The following PRKCQ variants were observed in gnomAD, a reference collection of about 807,000 sequenced individuals.
The protein encoded by PRKCQ is protein kinase C theta type.
Under a neutral mutation model 91.2 loss-of-function variants are expected in PRKCQ, and 41 were observed. The observed-to-expected ratio is 0.45, with a 90% CI of 0.35 to 0.58. PRKCQ has a LOEUF of 0.58. PRKCQ is among the 20% of genes least tolerant of loss of function. PRKCQ has a pLI of 0.00. For missense variants in PRKCQ, 673 were observed against 896.5 expected (o/e 0.75, Z 3.18); for synonymous variants, 307 against 316.9 (o/e 0.97, Z 0.33).
intron 1 of PRKCQ, among the ~76,000 whole-genome samples, chr10:6,539,876 C>A (rs1255456378): frequency 1.3e-5 from 2 of 152,198 alleles, no homozygotes; most frequent in African/African-American, 2.4e-5. Flanking sequence ...AAATATAGTT[C>A]TAATTGGCTG....
chr10:6,515,116 A>G lies in PRKCQ; in HGVS notation c.20T>C (p.Ile7Thr). 1.9e-6 allele frequency: 3 copies of G among 1,613,860 alleles called. No homozygotes were observed. Among genetic ancestry groups the G allele is most frequent in the Non-Finnish European group, 1.7e-6 (2 of 1,179,948 alleles). The change falls in exon 2 of 18, where the codon ATT becomes ACT. Residue 7 changes from isoleucine to threonine, a missense_variant. Coordinates refer to ENST00000263125, the MANE Select transcript of PRKCQ (RefSeq NM_006257.5). MSPFLRIGLSNFDCGSC... is the reference protein window; with the variant it reads MSPFLRTGLSNFDCGSC... ...CCCGCAGTCAAAGTTGGACAAGCCAATCCGAAGAAATGGCGACATGGTTGC... is the reference window on the plus strand; with the variant it reads ...CCCGCAGTCAAAGTTGGACAAGCCAGTCCGAAGAAATGGCGACATGGTTGC...
chr10:6,430,881 G>C lies in PRKCQ; in HGVS notation c.1894C>G (p.Pro632Ala). 1 of 1,614,178 alleles carries C rather than the reference G, an allele frequency of 6.2e-7. No homozygotes were observed. ...LGVRGDIRQH[P>A]LFREINWEEL... ...TCCCAGTTGATCTCCCGAAACAAAG[G>C]GTGCTGGCGGATGTCTCCCCTCACG... Residue 632 changes from proline to alanine, a missense_variant, in exon 17 of 18, where the codon CCT becomes GCT. Coordinates refer to ENST00000263125, the MANE Select transcript of PRKCQ (RefSeq NM_006257.5). This position sits in a 1 kb window ranked among gnomAD's most constrained non-coding sequence, Gnocchi z 4.7.
intron 1 of PRKCQ, among the ~76,000 whole-genome samples, chr10:6,554,432 A>G (rs1410612970): frequency 6.6e-6 from 1 of 152,178 alleles, no homozygotes; most frequent in Non-Finnish European, 1.5e-5. Flanking sequence ...TGATTTGGCA[A>G]TATTTAGAGG....
chr10:6,487,028 C>T (rs1280763499), intron 8 of PRKCQ, among the ~76,000 whole-genome samples: 1 of 152,138 alleles, frequency 6.6e-6, no homozygotes. Flanking sequence ...GGTGTGGAAA[C>T]ATAAAGCCAC....
At chr10:6,546,665 T>A (rs941818995) in intron 1 of PRKCQ, among the ~76,000 whole-genome samples, 1 of 152,208 alleles carries the variant, frequency 6.6e-6, no homozygotes, top group East Asian at 1.9e-4. Context: ...TATACAGTCA[T>A]GTCGTCTGCA....
At chr10:6,451,253 T>C (rs11528723) in intron 15 of PRKCQ, among the ~76,000 whole-genome samples, 3,336 of 140,748 alleles carry the variant, frequency 0.024, 103 homozygotes, top group East Asian at 0.16. Flanking sequence ...ATATCACCAC[T>C]GATCCCACAG....
At position 6,486,122 on chromosome 10, in the gene PRKCQ, A is replaced by G. The variant is rs1182319454; in HGVS notation, c.813T>C (p.His271=). The G allele has an allele frequency of 1.2e-6, 2 of 1,614,144 alleles. No individual in the cohort carries two copies. Among genetic ancestry groups the G allele is most frequent in the South Asian group, 1.1e-5 (1 of 91,090 alleles). Residue 271 remains histidine, a synonymous_variant, in exon 9 of 18, where the codon CAT becomes CAC. Transcript: ENST00000263125. ...GGTTGGCCACCTTTGTCTGGCATCTATGATGCACATTCATGCCACATGCTG... is the reference window on the plus strand; with the variant it reads ...GGTTGGCCACCTTTGTCTGGCATCTGTGATGCACATTCATGCCACATGCTG... ...KCDACGMNVH[H]RCQTKVANLC... is the part of the protein sequence containing the mutation.
At chr10:6,417,447 C>T in the PRKCQ span, among the ~76,000 whole-genome samples, 1 of 152,022 alleles carries the variant, frequency 6.6e-6, no homozygotes, top group Non-Finnish European at 1.5e-5. Context: ...AAATTCTTTT[C>T]TTCTCTAGAT....
intron 1 of PRKCQ, among the ~76,000 whole-genome samples, chr10:6,579,858 C>G (rs1354650440): frequency 7.3e-6 from 1 of 136,268 alleles, no homozygotes; most frequent in Admixed American, 7.5e-5. Context: ...TTTTTTTTAC[C>G]AAGAATACAA....
At chr10:6,447,026 T>A (rs1326425393) in intron 15 of PRKCQ, among the ~76,000 whole-genome samples, 1 of 152,156 alleles carries the variant, frequency 6.6e-6, no homozygotes, top group African/African-American at 2.4e-5. Context: ...CAGTGTGGTT[T>A]CCAGGGAAAT....
chr10:6,505,536 C>G (rs1838158956), intron 4 of PRKCQ, among the ~76,000 whole-genome samples: 1 of 139,656 alleles, frequency 7.2e-6, no homozygotes, highest in Non-Finnish European at 1.6e-5. Flanking sequence ...CTTTCTTTTT[C>G]TTTCTTTTCT....
chr10:6,535,556 A>G (rs1377556641), intron 1 of PRKCQ, among the ~76,000 whole-genome samples: 7 of 152,148 alleles, frequency 4.6e-5, no homozygotes, highest in Admixed American at 4.6e-4. Context: ...CCCCAAGTAA[A>G]AAGACCTGGG....
intron 12 of PRKCQ, among the ~76,000 whole-genome samples, chr10:6,466,909 G>T (rs1588703741): frequency 2.6e-5 from 4 of 152,256 alleles, no homozygotes; most frequent in African/African-American, 7.2e-5. Context: ...CTCAGCCCTG[G>T]GTTCAAAGCC....
chr10:6,565,924 T>C (rs1840820458), intron 1 of PRKCQ, among the ~76,000 whole-genome samples: 1 of 152,244 alleles, frequency 6.6e-6, no homozygotes, highest in Non-Finnish European at 1.5e-5. Context: ...CCCCTCTAAA[T>C]AGGTCCCCAG....
chr10:6,572,974 C>G (rs1277969569), intron 1 of PRKCQ, among the ~76,000 whole-genome samples: 1 of 152,106 alleles, frequency 6.6e-6, no homozygotes, highest in Non-Finnish European at 1.5e-5. Flanking sequence ...ATTTGCATTT[C>G]TCTAATGATC....
At chr10:6,421,990 A>C in the PRKCQ span, among the ~76,000 whole-genome samples, 1 of 152,306 alleles carries the variant, frequency 6.6e-6, no homozygotes, top group Middle Eastern at 3.4e-3. The surrounding 1 kb of genome is among the most constrained non-coding windows in gnomAD (Gnocchi z 4.1). Context: ...TTTTCTTTGT[A>C]TTAACTTTTA....
At chr10:6,447,975 A>G (rs1471865651) in intron 15 of PRKCQ, among the ~76,000 whole-genome samples, 1 of 152,190 alleles carries the variant, frequency 6.6e-6, no homozygotes, top group East Asian at 1.9e-4. Flanking sequence ...TGGGGAACTG[A>G]GTGAGGTGAA....
rs368077225 is a variant in PRKCQ, at chr10:6,529,897, C to T, written c.-9-14753G>A. On this transcript the variant is annotated intron_variant, in intron 1 of 17. Coordinates refer to ENST00000263125, the MANE Select transcript of PRKCQ (RefSeq NM_006257.5). ...GGAAAAGATGGCTACGATGATCACA[C>T]CACACTTTTCTAAAACATCCTTAGA... 1.4e-4 allele frequency among the ~76,000 whole-genome samples: 21 copies of T among 152,270 alleles called. No individual in the cohort carries two copies. The East Asian group carries it at 2.9e-3, about 21-fold the overall frequency.
intron 15 of PRKCQ, among the ~76,000 whole-genome samples, chr10:6,446,451 C>T (rs146481956): frequency 0.023 from 3,507 of 149,824 alleles, 138 homozygotes; most frequent in African/African-American, 0.081. Context: ...CTGCAACCTC[C>T]GCCTCCCAAG....
Sources: allele counts gnomAD v4.1 joint callset (sites outside exome capture counted in the v4.1 genomes callset), GRCh38; gene constraint gnomAD v4.1.1; non-coding constraint Gnocchi (gnomAD v3.1); transcripts MANE v1.5; gene names NCBI Gene and HGNC (gene_info 2026-07-23, HGNC 2026-07-21).